The following COMMD1 variants were observed in gnomAD, a reference collection of about 807,000 sequenced individuals.
COMMD1 encodes COMM domain-containing protein 1.
A neutral mutation model predicts 17.2 loss-of-function variants in COMMD1; 10 were observed. That is an observed-to-expected ratio of 0.58 (90% CI 0.36 to 0.99). The LOEUF is 0.99. Ranked by LOEUF, COMMD1 falls within the 50% of genes least tolerant of loss-of-function variation. The probability of loss-of-function intolerance (pLI) is 0.01; values close to 1 mark genes in which losing one functional copy is unlikely to be tolerated. For missense variants in COMMD1, 270 were observed against 231.8 expected (o/e 1.17, Z -1.07); for synonymous variants, 97 against 91.6 (o/e 1.06, Z -0.34).
At chr2:61,909,843 A>C (rs566750906) in intron 1 of COMMD1, among the ~76,000 whole-genome samples, 6 of 152,346 alleles carry the variant, frequency 3.9e-5, no homozygotes, top group African/African-American at 1.4e-4. Flanking sequence ...CCTTATTGCC[A>C]ACTGCCTGGA....
chr2:61,906,748 A>G (rs1053609502), intron 1 of COMMD1, among the ~76,000 whole-genome samples: 10 of 151,990 alleles, frequency 6.6e-5, no homozygotes, highest in Admixed American at 2.0e-4. Flanking sequence ...TGTTTCTTGA[A>G]AAAAAAACCT....
chr2:61,923,001 A>T (rs141615280), intron 1 of COMMD1, among the ~76,000 whole-genome samples: 1 of 152,334 alleles, frequency 6.6e-6, no homozygotes, highest in Admixed American at 6.5e-5. Flanking sequence ...CTGTAATTAG[A>T]CTTGGGTAAT....
intron 2 of COMMD1, among the ~76,000 whole-genome samples, chr2:62,134,892 G>A (rs1673147501): frequency 6.6e-6 from 1 of 152,142 alleles, no homozygotes; most frequent in Admixed American, 6.5e-5. Flanking sequence ...GCAAGTGGAG[G>A]GACCCCAGAA....
intron 1 of COMMD1, among the ~76,000 whole-genome samples, chr2:61,892,145 T>A (rs547250418): frequency 6.6e-6 from 1 of 151,922 alleles, no homozygotes; most frequent in African/African-American, 2.4e-5. Context: ...TTCCTATATT[T>A]AAAAAATACT....
intron 1 of COMMD1, among the ~76,000 whole-genome samples, chr2:61,908,112 GT>G (rs1180692916): frequency 7.9e-5 from 12 of 152,160 alleles, no homozygotes; most frequent in African/African-American, 2.4e-4. Flanking sequence ...AGATTTGCAG[GT>G]GCCTGGCAGC....
At chr2:62,133,146 T>C (rs1250989242) in intron 2 of COMMD1, among the ~76,000 whole-genome samples, 1 of 152,220 alleles carries the variant, frequency 6.6e-6, no homozygotes, top group African/African-American at 2.4e-5. Flanking sequence ...AGGACTCCTG[T>C]AGGCAAGGAA....
chr2:62,049,206 A>C (rs1670470872), intron 2 of COMMD1, among the ~76,000 whole-genome samples: 1 of 151,720 alleles, frequency 6.6e-6, no homozygotes, highest in African/African-American at 2.4e-5. Flanking sequence ...ACCAGGAAAA[A>C]AAAAAAAAAG....
intron 1 of COMMD1, among the ~76,000 whole-genome samples, chr2:61,936,846 G>C (rs1670619252): frequency 6.6e-6 from 1 of 152,194 alleles, no homozygotes; most frequent in Non-Finnish European, 1.5e-5. Context: ...CCAAGGTTAA[G>C]GACCTGCCCA....
chr2:62,131,870 A>C (rs1673044801), intron 2 of COMMD1, among the ~76,000 whole-genome samples: 1 of 145,108 alleles, frequency 6.9e-6, no homozygotes, highest in Non-Finnish European at 1.5e-5. Flanking sequence ...ATACACACAC[A>C]CACACACAAA....
chr2:61,951,873 A>T (rs78359470), intron 1 of COMMD1, among the ~76,000 whole-genome samples: 1 of 152,254 alleles, frequency 6.6e-6, no homozygotes, highest in Non-Finnish European at 1.5e-5. Context: ...AGAGTTTTAT[A>T]TAAATGGAAT....
At chr2:61,924,159 G>A (rs1485105988) in intron 1 of COMMD1, among the ~76,000 whole-genome samples, 2 of 152,286 alleles carry the variant, frequency 1.3e-5, no homozygotes, top group African/African-American at 4.8e-5. Flanking sequence ...AGTGTTTCAG[G>A]TGGGTTTACT....
chr2:62,133,978 A>T (rs897318335), intron 2 of COMMD1, among the ~76,000 whole-genome samples: 2 of 151,926 alleles, frequency 1.3e-5, no homozygotes, highest in African/African-American at 4.8e-5. Flanking sequence ...TTTATTTTTT[A>T]TTTTTAGAGA....
intron 2 of COMMD1, among the ~76,000 whole-genome samples, chr2:62,005,586 T>C (rs2103816956): frequency 1.3e-5 from 2 of 152,202 alleles, no homozygotes; most frequent in Admixed American, 1.3e-4. Context: ...AAAAGACACA[T>C]GAAAAAATGC....
intron 1 of COMMD1, among the ~76,000 whole-genome samples, chr2:61,981,566 G>C (rs1348202334): frequency 6.6e-6 from 1 of 152,104 alleles, no homozygotes; most frequent in Non-Finnish European, 1.5e-5. Context: ...TCACACTGCT[G>C]ATAAAGACAT....
At chr2:61,935,410 C>T (rs927490403) in intron 1 of COMMD1, among the ~76,000 whole-genome samples, 18 of 152,104 alleles carry the variant, frequency 1.2e-4, no homozygotes, top group Non-Finnish European at 2.2e-4. Flanking sequence ...GGGTGGATCA[C>T]TTGAGGTTAG....
chr2:62,133,223 C>T (rs970935752), intron 2 of COMMD1, among the ~76,000 whole-genome samples: 1 of 152,192 alleles, frequency 6.6e-6, no homozygotes, highest in African/African-American at 2.4e-5. Flanking sequence ...GTACTTATTT[C>T]TCCTTGGGAG....
intron 2 of COMMD1, among the ~76,000 whole-genome samples, chr2:62,045,447 A>G (rs1354397277): frequency 6.6e-6 from 1 of 152,140 alleles, no homozygotes. Flanking sequence ...GGCCCCTCCC[A>G]TAATCCTATT....
intron 2 of COMMD1, among the ~76,000 whole-genome samples, chr2:62,105,984 C>T (rs1293770905): frequency 6.6e-6 from 1 of 152,112 alleles, no homozygotes; most frequent in Non-Finnish European, 1.5e-5. Context: ...CTGTGAAATC[C>T]TTTAGAGAAT....
chr2:61,890,470 C>G (rs892021268), intron 1 of COMMD1, among the ~76,000 whole-genome samples: 12 of 152,100 alleles, frequency 7.9e-5, no homozygotes, highest in Non-Finnish European at 1.6e-4. Flanking sequence ...AGGCCCGCCT[C>G]GGCTTCCCAA....
Sources: allele counts gnomAD v4.1 joint callset (sites outside exome capture counted in the v4.1 genomes callset), GRCh38; gene constraint gnomAD v4.1.1; transcripts MANE v1.5; gene names NCBI Gene and HGNC (gene_info 2026-07-23, HGNC 2026-07-21).